SDCCAG8: variants seen among roughly 807,000 people sequenced by gnomAD.
The protein encoded by SDCCAG8 is SHH signaling and ciliogenesis regulator SDCCAG8, also known as serologically defined colon cancer antigen 8.
Under a neutral mutation model 101.8 loss-of-function variants are expected in SDCCAG8, and 74 were observed. The observed-to-expected ratio is 0.73, with a 90% CI of 0.60 to 0.88. The LOEUF (loss-of-function observed/expected upper bound fraction) is 0.88. Among genes scored for constraint, SDCCAG8 ranks in the 40% least tolerant of loss-of-function variants. The pLI is 0.00. For synonymous variants in SDCCAG8, 281 were observed against 292.9 expected (o/e 0.96, Z 0.41); for missense variants, 787 against 822.6 (o/e 0.96, Z 0.53).
At chr1:243,492,273 A>G (rs1666639279) in intron 17 of SDCCAG8, among the ~76,000 whole-genome samples, 1 of 147,754 alleles carries the variant, frequency 6.8e-6, no homozygotes, top group Non-Finnish European at 1.5e-5. Flanking sequence ...GCACTGGCTC[A>G]AGCTCTCGGC....
chr1:243,314,759 G>C (rs2073084151), intron 8 of SDCCAG8, among the ~76,000 whole-genome samples: 1 of 152,180 alleles, frequency 6.6e-6, no homozygotes, highest in Non-Finnish European at 1.5e-5. Context: ...ACCTAGGCTA[G>C]AGTGCAGTGG....
At chr1:243,472,489 C>A (rs1351704218) in intron 16 of SDCCAG8, among the ~76,000 whole-genome samples, 1 of 152,140 alleles carries the variant, frequency 6.6e-6, no homozygotes, top group Non-Finnish European at 1.5e-5. Context: ...CAGGCAATGA[C>A]CCCAAAAACG....
intron 9 of SDCCAG8, 22 bp downstream of exon 9, chr1:243,316,915 T>C: frequency 6.2e-7 from 1 of 1,610,796 alleles, no homozygotes; most frequent in Non-Finnish European, 8.5e-7. Flanking sequence ...AAGATGCAAA[T>C]AAAAGTGTCT....
intron 16 of SDCCAG8, among the ~76,000 whole-genome samples, chr1:243,433,053 G>C (rs1478777150): frequency 6.6e-6 from 1 of 152,118 alleles, no homozygotes; most frequent in Non-Finnish European, 1.5e-5. Flanking sequence ...TAGTGAACTG[G>C]GCGAAGGGTC....
chr1:243,361,629 G>C (rs1409918391), intron 12 of SDCCAG8, among the ~76,000 whole-genome samples: 1 of 152,084 alleles, frequency 6.6e-6, no homozygotes, highest in Non-Finnish European at 1.5e-5. Flanking sequence ...GAGCCTCCGT[G>C]GTTTGCCTTT....
chr1:243,471,089 C>T lies in SDCCAG8; in HGVS notation c.1986-17925C>T, dbSNP rs188545275. Among the ~76,000 whole-genome samples, 10 of 152,076 alleles carry T rather than the reference C, an allele frequency of 6.6e-5. No individual in the cohort carries two copies. In the East Asian group the frequency reaches 1.9e-3, roughly 30 times the overall value. ...GTTGGGGGATGGAGGGAAGAAGAAA[C>T]GTACAAGCAGATGTGCTGCTAGATC... On this transcript the variant is annotated intron_variant, in intron 16 of 17. Transcript: ENST00000366541.
At chr1:243,449,333 G>C (rs1056125957) in intron 16 of SDCCAG8, among the ~76,000 whole-genome samples, 5 of 152,196 alleles carry the variant, frequency 3.3e-5, no homozygotes, top group Admixed American at 3.3e-4. Flanking sequence ...TATTTTCCAA[G>C]CTTTTGGTTC....
At chr1:243,479,954 C>CAGA (rs113401758) in intron 16 of SDCCAG8, among the ~76,000 whole-genome samples, 37,737 of 151,428 alleles carry the variant, frequency 0.25, 5,085 homozygotes, top group East Asian at 0.44. Flanking sequence ...GTTGATGGTT[C>CAGA]AGGTCTGGAG....
chr1:243,420,213 T>C (rs985198779), intron 15 of SDCCAG8, among the ~76,000 whole-genome samples: 1 of 152,200 alleles, frequency 6.6e-6, no homozygotes, highest in Non-Finnish European at 1.5e-5. Flanking sequence ...GTACATGGCC[T>C]CATTTCCCCA....
intron 10 of SDCCAG8, among the ~76,000 whole-genome samples, chr1:243,331,878 G>A (rs1156805666): frequency 3.7e-5 from 3 of 81,538 alleles, no homozygotes; most frequent in Non-Finnish European, 8.9e-5. Context: ...AAACTCGTAG[G>A]AGAAGTAGAT....
At chr1:243,398,253 C>T (rs2079147584) in intron 13 of SDCCAG8, among the ~76,000 whole-genome samples, 1 of 152,016 alleles carries the variant, frequency 6.6e-6, no homozygotes, top group South Asian at 2.1e-4. Flanking sequence ...GAGAGAATGT[C>T]TGTGATTCGT....
At chr1:243,287,573 G>A (rs1479792446) in intron 5 of SDCCAG8, among the ~76,000 whole-genome samples, 1 of 152,140 alleles carries the variant, frequency 6.6e-6, no homozygotes, top group Non-Finnish European at 1.5e-5. Flanking sequence ...ATTTAAGTTT[G>A]TGATCAGTTC....
intron 16 of SDCCAG8, among the ~76,000 whole-genome samples, chr1:243,444,083 C>A (rs2148106040): frequency 6.6e-6 from 1 of 152,238 alleles, no homozygotes; most frequent in African/African-American, 2.4e-5. Context: ...TTGAAAGGAT[C>A]ATGTGTACTT....
intron 13 of SDCCAG8, among the ~76,000 whole-genome samples, chr1:243,387,431 G>A (rs140278963): frequency 4.6e-5 from 7 of 152,166 alleles, no homozygotes; most frequent in Non-Finnish European, 8.8e-5. Context: ...TTAATAATAT[G>A]TATGTACTTC....
chr1:243,479,340 C>A (rs1471217296), intron 16 of SDCCAG8, among the ~76,000 whole-genome samples: 1 of 152,176 alleles, frequency 6.6e-6, no homozygotes, highest in South Asian at 2.1e-4. Context: ...CCGAGGCTGG[C>A]AAACTTTAAA....
At chr1:243,358,784 T>A (rs1347588743) in intron 12 of SDCCAG8, among the ~76,000 whole-genome samples, 1 of 152,080 alleles carries the variant, frequency 6.6e-6, no homozygotes, top group Non-Finnish European at 1.5e-5. Flanking sequence ...TAAAAAAGAA[T>A]GAAGTAATGA....
At chr1:243,429,695 A>ATTTTT (rs796450909) in intron 16 of SDCCAG8, among the ~76,000 whole-genome samples, 14 of 92,932 alleles carry the variant, frequency 1.5e-4, no homozygotes, top group East Asian at 3.0e-4. Context: ...TGCTCTGCTA[A>ATTTTT]TTTTTTTTTT....
chr1:243,423,507 G>A (rs2081148125), intron 15 of SDCCAG8, among the ~76,000 whole-genome samples: 2 of 152,088 alleles, frequency 1.3e-5, no homozygotes, highest in Admixed American at 1.3e-4. Context: ...TGATTTGCGT[G>A]TATAAGAATT....
intron 12 of SDCCAG8, among the ~76,000 whole-genome samples, chr1:243,358,154 A>G (rs1026232285): frequency 6.6e-6 from 1 of 152,162 alleles, no homozygotes; most frequent in Non-Finnish European, 1.5e-5. Flanking sequence ...AAAAAAGACA[A>G]CCCACAGAAC....
Sources: gnomAD v4.1 joint callset for allele counts (sites outside exome capture counted in the v4.1 genomes callset) on GRCh38, gnomAD v4.1.1 for gene constraint, MANE v1.5 for transcripts, NCBI Gene and HGNC (gene_info 2026-07-23, HGNC 2026-07-21) for gene names.